PTPRD: variants seen among roughly 807,000 people sequenced by gnomAD.
PTPRD encodes receptor-type tyrosine-protein phosphatase delta.
A neutral mutation model predicts 214.5 loss-of-function variants in PTPRD; 34 were observed. The ratio of observed to expected loss-of-function variants is 0.16; its 90% CI spans 0.12 to 0.21. PTPRD has a LOEUF of 0.21. Among genes scored for constraint, PTPRD ranks in the 10% least tolerant of loss-of-function variants. The pLI, the probability that PTPRD is intolerant of heterozygous loss-of-function variation, is 1.00. For missense variants in PTPRD, 2,545 were observed against 2,398.7 expected (o/e 1.06, Z -1.27); for synonymous variants, 1,128 against 845.7 (o/e 1.33, Z -5.79).
intron 12 of PTPRD, among the ~76,000 whole-genome samples, chr9:8,708,679 C>CAAAAAAAA (rs765081509): frequency 2.5e-5 from 1 of 39,410 alleles, no homozygotes; most frequent in African/African-American, 9.8e-5. Context: ...GACTCTGTCT[C>CAAAAAAAA]AAAAAAAAAA....
intron 14 of PTPRD, among the ~76,000 whole-genome samples, chr9:8,614,658 G>C (rs908521143): frequency 6.6e-5 from 10 of 152,068 alleles, no homozygotes; most frequent in Admixed American, 1.3e-4. Flanking sequence ...AGAAATAAGA[G>C]GGCATATAAG....
At chr9:9,699,218 A>AT (rs2154410564) in intron 7 of PTPRD, among the ~76,000 whole-genome samples, 1 of 151,338 alleles carries the variant, frequency 6.6e-6, no homozygotes, top group East Asian at 2.0e-4. Context: ...TCTGAAATAC[A>AT]TTTTTCTTCT....
chr9:9,738,438 A>ATTTT (rs1564880927), intron 6 of PTPRD, among the ~76,000 whole-genome samples: 1 of 54,314 alleles, frequency 1.8e-5, no homozygotes, highest in African/African-American at 1.7e-4. Flanking sequence ...TCACTCACTC[A>ATTTT]CTTTTTTTTT....
intron 39 of PTPRD, among the ~76,000 whole-genome samples, chr9:8,345,827 T>A (rs928473217): frequency 6.6e-6 from 1 of 152,084 alleles, no homozygotes; most frequent in African/African-American, 2.4e-5. Flanking sequence ...TTTTTTTTAT[T>A]TGACTCCAGT....
chr9:8,331,567 C>CAAATGGAAACTTACCTGCAATGGACTGAA lies in PTPRD; in HGVS notation c.5520_5534+14dup. On this transcript the variant is annotated intron_variant, in intron 44 of 45. Transcript: ENST00000381196. ...CCACCACTTATCACTGCTTTATTCA[C>CAAATGGAAACTTACCTGCAATGGACTGAA]AAATGGAAACTTACCTGCAATGGAC... 1 of 870,822 alleles carries CAAATGGAAACTTACCTGCAATGGACTGAA rather than the reference C, an allele frequency of 1.1e-6. No individual in the cohort carries two copies. Among genetic ancestry groups the CAAATGGAAACTTACCTGCAATGGACTGAA allele is most frequent in the Non-Finnish European group, 1.5e-6 (1 of 679,710 alleles). 53.9% of individuals were successfully genotyped at this position (870,822 alleles called of 1,614,324 possible). A position where few individuals can be genotyped will look rare whatever the true frequency, so the allele number is the denominator to read the frequency against.
intron 3 of PTPRD, among the ~76,000 whole-genome samples, chr9:10,255,663 T>A (rs1451399479): frequency 6.6e-6 from 1 of 152,192 alleles, no homozygotes; most frequent in African/African-American, 2.4e-5. Flanking sequence ...TACTATAACT[T>A]TTTGACTTTA....
intron 30 of PTPRD, among the ~76,000 whole-genome samples, chr9:8,479,008 A>G (rs889038569): frequency 6.6e-6 from 1 of 152,142 alleles, no homozygotes; most frequent in African/African-American, 2.4e-5. Flanking sequence ...CATCTAAATA[A>G]AAGTTAGCAA....
At position 9,707,526 on chromosome 9, in the gene PTPRD, T is replaced by C. The variant is rs1425916788; in HGVS notation, c.-287+27007A>G. 2.6e-5 allele frequency among the ~76,000 whole-genome samples: 4 copies of C among 152,126 alleles called. No homozygotes were observed. The East Asian group carries it at 7.7e-4, about 29-fold the overall frequency. On this transcript the variant is annotated intron_variant, in intron 7 of 45. Coordinates refer to ENST00000381196, the MANE Select transcript of PTPRD (RefSeq NM_002839.4). ...TCATTCCTAAACAATGCTGGCATACTCACTGGAATAACAGCGTGATTATTG... is the reference window on the plus strand; with the variant it reads ...TCATTCCTAAACAATGCTGGCATACCCACTGGAATAACAGCGTGATTATTG...
Position 9,924,731 on chromosome 9 carries a change from C to T in PTPRD, c.-368+13776G>A, listed in dbSNP as rs192067263. On this transcript the variant is annotated intron_variant, in intron 5 of 45. Coordinates refer to ENST00000381196, the MANE Select transcript of PTPRD (RefSeq NM_002839.4). ...GATGTTCTTATTGTCCTTCGTATCT[C>T]TAAAAATAATTGCTTTAAAAATTAG... Among the ~76,000 whole-genome samples the T allele has an allele frequency of 1.5e-3, 232 of 152,150 alleles. 1 individual carries two copies. The highest frequency in any genetic ancestry group is 2.5e-3 in the Non-Finnish European group (168 of 67,948).
At chr9:10,283,350 G>C (rs1029557325) in intron 3 of PTPRD, among the ~76,000 whole-genome samples, 1 of 152,068 alleles carries the variant, frequency 6.6e-6, no homozygotes, top group South Asian at 2.1e-4. Flanking sequence ...TTCACCATTA[G>C]AATGTGAAGT....
chr9:10,189,571 T>A (rs979358635), intron 3 of PTPRD, among the ~76,000 whole-genome samples: 1 of 152,102 alleles, frequency 6.6e-6, no homozygotes, highest in African/African-American at 2.4e-5. Context: ...TAAAAGGAAG[T>A]GTGCATGCGA....
chr9:10,234,098 CA>C (rs1296417505), intron 3 of PTPRD, among the ~76,000 whole-genome samples: 1 of 151,522 alleles, frequency 6.6e-6, no homozygotes, highest in African/African-American at 2.4e-5. Flanking sequence ...ACTAATAATA[CA>C]AAAAATTAGC....
At chr9:9,845,917 G>T (rs1024407464) in intron 5 of PTPRD, among the ~76,000 whole-genome samples, 3 of 152,056 alleles carry the variant, frequency 2.0e-5, no homozygotes, top group Non-Finnish European at 4.4e-5. Context: ...TACACCTGGA[G>T]CAGAGAAGGA....
chr9:9,621,642 A>G (rs1263002755), intron 7 of PTPRD, among the ~76,000 whole-genome samples: 3 of 152,178 alleles, frequency 2.0e-5, no homozygotes, highest in African/African-American at 7.2e-5. Context: ...TCCTTAAGAC[A>G]TTTTTAAACC....
At chr9:9,762,710 A>G (rs1181293156) in intron 6 of PTPRD, among the ~76,000 whole-genome samples, 2 of 152,190 alleles carry the variant, frequency 1.3e-5, no homozygotes, top group African/African-American at 2.4e-5. Context: ...AGAACCGCAT[A>G]TATTTCTTTC....
In PTPRD at chr9:8,964,190, G is replaced by GTTTTTTTTTTTTTTT. The variant is rs1334290420; in HGVS notation, c.-104+54506_-104+54507insAAAAAAAAAAAAAAA. 4.2e-4 allele frequency among the ~76,000 whole-genome samples: 22 copies of GTTTTTTTTTTTTTTT among 52,948 alleles called. 6 individuals are homozygous for GTTTTTTTTTTTTTTT. The highest frequency in any genetic ancestry group is 2.5e-3 in the South Asian group (2 of 790). The allele number at this position is 52,948 out of a possible 152,430, so 34.7% of individuals were successfully genotyped here. ...CTGTGAATCTATCTAGTTCAGGGCT[G>GTTTTTTTTTTTTTTT]TGTTTTTTTTTTTTTTTTTTTTTTT... On this transcript the variant is annotated intron_variant, in intron 11 of 45. Coordinates refer to ENST00000381196, the MANE Select transcript of PTPRD (RefSeq NM_002839.4).
intron 2 of PTPRD, among the ~76,000 whole-genome samples, chr9:10,607,565 T>C (rs1031272935): frequency 8.6e-5 from 13 of 151,856 alleles, no homozygotes; most frequent in African/African-American, 2.7e-4. Context: ...AAAATAAGTA[T>C]AGCATGATCT....
chr9:9,769,926 A>G (rs1198524174), intron 5 of PTPRD, among the ~76,000 whole-genome samples: 4 of 152,158 alleles, frequency 2.6e-5, no homozygotes, highest in African/African-American at 7.2e-5. Context: ...ATGTCCCTGC[A>G]AAGGACATGA....
chr9:8,361,186 C>T (rs1391138498), intron 39 of PTPRD, among the ~76,000 whole-genome samples: 5 of 152,094 alleles, frequency 3.3e-5, no homozygotes, highest in Admixed American at 3.3e-4. Flanking sequence ...TCTTTCTTCT[C>T]AATGAAGTAG....
Sources: gnomAD v4.1 joint callset for allele counts (sites outside exome capture counted in the v4.1 genomes callset) on GRCh38, gnomAD v4.1.1 for gene constraint, MANE v1.5 for transcripts, NCBI Gene and HGNC (gene_info 2026-07-23, HGNC 2026-07-21) for gene names.